ELAVL2: variants seen among roughly 807,000 people sequenced by gnomAD.
The protein encoded by ELAVL2 is ELAV like RNA binding protein 2.
In ELAVL2, 4 loss-of-function variants were observed where a neutral mutation model predicts 34.6. That is an observed-to-expected ratio of 0.12 (90% CI 0.06 to 0.26). The LOEUF (loss-of-function observed/expected upper bound fraction) is 0.26, where lower values mean the gene tolerates loss of function less well. Ranked by LOEUF, ELAVL2 falls within the 10% of genes least tolerant of loss-of-function variation. The pLI, the probability that ELAVL2 is intolerant of heterozygous loss-of-function variation, is 1.00. For synonymous variants in ELAVL2, 193 were observed against 154.8 expected, an observed-to-expected ratio of 1.25 and a Z score of -1.83; for missense variants, 432 against 442.8, an observed-to-expected ratio of 0.98 and a Z score of 0.22.
intron 3 of ELAVL2, among the ~76,000 whole-genome samples, chr9:23,718,411 A>G (rs2042848389): frequency 6.6e-6 from 1 of 152,200 alleles, no homozygotes; most frequent in South Asian, 2.1e-4. Context: ...CAAAGAAGTT[A>G]GGAAGCCAGC....
At chr9:23,755,219 G>C (rs966461934) in intron 2 of ELAVL2, among the ~76,000 whole-genome samples, 11 of 152,132 alleles carry the variant, frequency 7.2e-5, no homozygotes, top group African/African-American at 2.7e-4. Context: ...AAAGAGGACA[G>C]AAGTTGTTTT....
At chr9:23,798,258 G>C (rs942616561) in intron 1 of ELAVL2, among the ~76,000 whole-genome samples, 1 of 152,152 alleles carries the variant, frequency 6.6e-6, no homozygotes, top group Admixed American at 6.5e-5. Flanking sequence ...AGCAAAACAG[G>C]ACCCTTTATT....
chr9:23,749,945 T>C (rs576903095), intron 2 of ELAVL2, among the ~76,000 whole-genome samples: 2 of 151,478 alleles, frequency 1.3e-5, no homozygotes, highest in East Asian at 2.0e-4. Context: ...TTATTCACTA[T>C]ACTAACAGGT....
intron 2 of ELAVL2, among the ~76,000 whole-genome samples, chr9:23,750,333 A>C (rs1177067063): frequency 6.6e-6 from 1 of 151,396 alleles, no homozygotes; most frequent in Admixed American, 6.6e-5. Flanking sequence ...ATATTGATAT[A>C]AAACACAGTA....
the ELAVL2 span, among the ~76,000 whole-genome samples, chr9:23,845,608 T>C: frequency 6.6e-6 from 1 of 151,536 alleles, no homozygotes; most frequent in Non-Finnish European, 1.5e-5. Flanking sequence ...TCCAAAATTA[T>C]CTGACTTAAA....
chr9:23,755,851 T>A (rs952729607), intron 2 of ELAVL2, among the ~76,000 whole-genome samples: 2 of 152,168 alleles, frequency 1.3e-5, no homozygotes, highest in African/African-American at 4.8e-5. Context: ...CAACTACTGG[T>A]CTGCAAGAAT....
chr9:23,709,671 C>T (rs1342536770), intron 3 of ELAVL2, among the ~76,000 whole-genome samples: 3 of 152,114 alleles, frequency 2.0e-5, no homozygotes, highest in Non-Finnish European at 2.9e-5. Flanking sequence ...GTCAAAATAG[C>T]CTCTTTCTCC....
At chr9:23,812,187 AG>A (rs1366429442) in intron 1 of ELAVL2, among the ~76,000 whole-genome samples, 1 of 152,094 alleles carries the variant, frequency 6.6e-6, no homozygotes, top group African/African-American at 2.4e-5. Flanking sequence ...TATGAGGTAA[AG>A]GGCACTTTAT....
At chr9:23,811,576 A>T (rs970867605) in intron 1 of ELAVL2, among the ~76,000 whole-genome samples, 1 of 152,232 alleles carries the variant, frequency 6.6e-6, no homozygotes. Context: ...CTATATTCCC[A>T]AAAGGGAGGA....
Position 23,691,108 on chromosome 9 carries a change from G to T in ELAVL2, c.*1449C>A, listed in dbSNP as rs1391037254. On this transcript the variant is annotated 3_prime_UTR_variant, in exon 7 of 7. Transcript: ENST00000397312. ...GCTAGACTATCTACAGACAAAATTT[G>T]CAACAAATCTGATGCACTGTAAATT... 1 of 152,506 alleles carries T rather than the reference G, an allele frequency of 6.6e-6. No homozygotes were observed. Among genetic ancestry groups the T allele is most frequent in the African/African-American group, 2.4e-5 (1 of 41,422 alleles). The allele number at this position is 152,506 out of a possible 1,614,324, so 9.4% of individuals were successfully genotyped here.
At chr9:23,780,020 A>C (rs1423677726) in intron 1 of ELAVL2, among the ~76,000 whole-genome samples, 3 of 98,036 alleles carry the variant, frequency 3.1e-5, no homozygotes, top group East Asian at 3.3e-4. Context: ...AAAAAAAAAA[A>C]AAAAAAAAAA....
chr9:23,703,021 T>A (rs112249686), intron 4 of ELAVL2, among the ~76,000 whole-genome samples: 7,216 of 132,776 alleles, frequency 0.054, 574 homozygotes, highest in African/African-American at 0.18. Flanking sequence ...TCGGTGGTCC[T>A]CCTACTTAAG....
At chr9:23,759,754 T>TTTTATATA (rs1279843264) in intron 2 of ELAVL2, among the ~76,000 whole-genome samples, 115 of 81,342 alleles carry the variant, frequency 1.4e-3, no homozygotes, top group East Asian at 2.6e-3. Context: ...ATATATAGTA[T>TTTTATATA]TATATATATA....
chr9:23,804,177 A>ATTTT (rs143957071), intron 1 of ELAVL2, among the ~76,000 whole-genome samples: 3 of 148,354 alleles, frequency 2.0e-5, no homozygotes, highest in Admixed American at 6.9e-5. Flanking sequence ...TTATTTATTT[A>ATTTT]TTTATTTTTT....
chr9:23,756,708 A>T (rs1295575271), intron 2 of ELAVL2, among the ~76,000 whole-genome samples: 1 of 152,206 alleles, frequency 6.6e-6, no homozygotes, highest in Non-Finnish European at 1.5e-5. Context: ...ACAGCACTTT[A>T]AACTTAAACT....
chr9:23,776,919 T>C (rs770885231), intron 1 of ELAVL2, among the ~76,000 whole-genome samples: 3 of 152,126 alleles, frequency 2.0e-5, no homozygotes, highest in African/African-American at 7.2e-5. Flanking sequence ...AACATTAAAG[T>C]GGACTTCTGC....
Position 23,693,469 on chromosome 9 carries a change from T to C in ELAVL2, c.731A>G (p.Asn244Ser). The change falls in exon 6 of 7, where the codon AAT (asparagine) becomes AGT (serine). Residue 244 changes from asparagine (N) to serine (S), a missense_variant. Transcript: ENST00000397312. ...TTACCTCTTTACTCCATAAGCCATA[T>C]TGAGCAGATTGTCCAACCTGCAAAA... Reference protein sequence around the residue: ...AQRFRLDNLLNMAYGVKRFSP... With the variant: ...AQRFRLDNLLSMAYGVKRFSP... The C allele has an allele frequency of 1.2e-6, 2 of 1,614,122 alleles. No individual in the cohort carries two copies. Among genetic ancestry groups the C allele is most frequent in the Non-Finnish European group, 1.7e-6 (2 of 1,179,952 alleles).
upstream of ELAVL2, among the ~76,000 whole-genome samples, chr9:23,829,186 G>C (rs915656763): frequency 6.6e-6 from 1 of 152,198 alleles, no homozygotes; most frequent in African/African-American, 2.4e-5. Context: ...TGAAGGGAAT[G>C]ACTGCGAACT....
intron 3 of ELAVL2, among the ~76,000 whole-genome samples, chr9:23,709,125 C>G (rs1271594626): frequency 1.3e-5 from 2 of 152,192 alleles, no homozygotes; most frequent in East Asian, 3.9e-4. Flanking sequence ...AGGGTAATTG[C>G]CTTCTCCTTC....
Sources: gnomAD v4.1 joint callset for allele counts (sites outside exome capture counted in the v4.1 genomes callset) on GRCh38, gnomAD v4.1.1 for gene constraint, MANE v1.5 for transcripts, NCBI Gene and HGNC (gene_info 2026-07-23, HGNC 2026-07-21) for gene names.